CPNE8: variants seen among roughly 807,000 people sequenced by gnomAD.
CPNE8 encodes the protein copine 8, also known as copine-8.
In CPNE8, 45 loss-of-function variants were observed where a neutral mutation model predicts 81.5. That is an observed-to-expected ratio of 0.55 (90% confidence interval 0.44 to 0.71). The LOEUF (loss-of-function observed/expected upper bound fraction) is 0.71, where lower values mean the gene tolerates loss of function less well. Ranked by LOEUF, CPNE8 falls within the 30% of genes least tolerant of loss-of-function variation. The pLI is 0.00. For missense variants in CPNE8, 594 were observed against 672.1 expected, an observed-to-expected ratio of 0.88 and a Z score of 1.28; for synonymous variants, 252 against 226.3, an observed-to-expected ratio of 1.11 and a Z score of -1.02.
chr12:38,803,060 C>T (rs902989229), intron 6 of CPNE8, among the ~76,000 whole-genome samples: 1 of 57,466 alleles, frequency 1.7e-5, no homozygotes. Context: ...GGATTCACAG[C>T]CGAATTCTAC....
At chr12:38,768,970 A>G (rs1941746160) in intron 7 of CPNE8, among the ~76,000 whole-genome samples, 1 of 152,216 alleles carries the variant, frequency 6.6e-6, no homozygotes, top group Non-Finnish European at 1.5e-5. Context: ...TTTATCTTAC[A>G]GAGTCCAGCA....
At chr12:38,728,146 T>C (rs1940745299) in intron 11 of CPNE8, among the ~76,000 whole-genome samples, 1 of 152,094 alleles carries the variant, frequency 6.6e-6, no homozygotes, top group Non-Finnish European at 1.5e-5. Context: ...ATTTAAAGTT[T>C]CCAGCATTCA....
At position 38,860,522 on chromosome 12, in the gene CPNE8, T is replaced by A. The variant is rs117439036; in HGVS notation, c.187-11860A>T. ...ATGAAATTTCCAAAAATTAAAAATATTTATCATGTGGTCCAGCAATCCCAC... is the reference window on the plus strand; with the variant it reads ...ATGAAATTTCCAAAAATTAAAAATAATTATCATGTGGTCCAGCAATCCCAC... On this transcript the variant is annotated intron_variant, in intron 3 of 19. Coordinates refer to ENST00000331366, the MANE Select transcript of CPNE8 (RefSeq NM_153634.3). 3.2e-3 allele frequency among the ~76,000 whole-genome samples: 479 copies of A among 151,332 alleles called. 2 individuals are homozygous for A. The highest frequency in any genetic ancestry group is 5.2e-3 in the Non-Finnish European group (351 of 67,808).
At chr12:38,761,776 A>C (rs1280352870) in intron 9 of CPNE8, among the ~76,000 whole-genome samples, 1 of 152,224 alleles carries the variant, frequency 6.6e-6, no homozygotes, top group East Asian at 1.9e-4. Flanking sequence ...TTTGTGAATC[A>C]GCAACCATGA....
intron 7 of CPNE8, among the ~76,000 whole-genome samples, chr12:38,771,607 C>T (rs1344744591): frequency 1.3e-5 from 2 of 152,142 alleles, no homozygotes; most frequent in Admixed American, 6.5e-5. Context: ...AGGATTATTA[C>T]ACTACAAATA....
At chr12:38,894,658 A>T (rs1321234530) in intron 1 of CPNE8, among the ~76,000 whole-genome samples, 49 of 124,528 alleles carry the variant, frequency 3.9e-4, no homozygotes, top group South Asian at 2.0e-3. Flanking sequence ...ACTCCAGCTC[A>T]CTCTCTCTCT....
At chr12:38,681,215 A>T (rs1047022646) in intron 16 of CPNE8, among the ~76,000 whole-genome samples, 8 of 152,014 alleles carry the variant, frequency 5.3e-5, no homozygotes, top group Admixed American at 1.3e-4. Context: ...ATGAATAGAA[A>T]TTTTTTTTAA....
intron 5 of CPNE8, among the ~76,000 whole-genome samples, chr12:38,838,744 G>T (rs1334452858): frequency 1.3e-5 from 2 of 151,940 alleles, no homozygotes; most frequent in African/African-American, 4.8e-5. Flanking sequence ...GACTGTTCCT[G>T]AATACTTCTT....
intron 11 of CPNE8, among the ~76,000 whole-genome samples, chr12:38,727,262 T>G (rs529183115): frequency 6.6e-6 from 1 of 152,210 alleles, no homozygotes; most frequent in Non-Finnish European, 1.5e-5. Flanking sequence ...GCTCTGTATG[T>G]AGCAGCATTG....
intron 10 of CPNE8, among the ~76,000 whole-genome samples, chr12:38,751,940 C>G (rs1300968059): frequency 1.3e-5 from 2 of 152,138 alleles, no homozygotes; most frequent in African/African-American, 4.8e-5. Flanking sequence ...CTACGCTGCT[C>G]TCTTTACTGT....
At chr12:38,676,559 T>A (rs1939293701) in intron 17 of CPNE8, among the ~76,000 whole-genome samples, 1 of 151,212 alleles carries the variant, frequency 6.6e-6, no homozygotes, top group Admixed American at 6.6e-5. Context: ...TCACAGTAAA[T>A]GAGTGAATAC....
At chr12:38,688,598 GGTGTGTGT>G (rs56769844) in intron 15 of CPNE8, among the ~76,000 whole-genome samples, 1 of 148,546 alleles carries the variant, frequency 6.7e-6, no homozygotes, top group South Asian at 2.1e-4. Flanking sequence ...AAGAAAATGT[GGTGTGTGT>G]GTGTGTGTGT....
At chr12:38,859,201 CAA>C (rs1158842825) in intron 3 of CPNE8, among the ~76,000 whole-genome samples, 2 of 151,188 alleles carry the variant, frequency 1.3e-5, no homozygotes, top group Non-Finnish European at 3.0e-5. Flanking sequence ...AAAAAAATCC[CAA>C]AGACTCCACA....
At chr12:38,725,798 G>A (rs1940682632) in intron 11 of CPNE8, among the ~76,000 whole-genome samples, 1 of 150,656 alleles carries the variant, frequency 6.6e-6, no homozygotes, top group East Asian at 2.0e-4. Context: ...GCTGAGGCAT[G>A]TTAGGGAGAT....
chr12:38,660,865 C>A (rs530014837), intron 19 of CPNE8, among the ~76,000 whole-genome samples: 6 of 152,200 alleles, frequency 3.9e-5, no homozygotes, highest in African/African-American at 1.4e-4. Context: ...AAATGCTAAT[C>A]ATCACTGGTC....
intron 19 of CPNE8, among the ~76,000 whole-genome samples, chr12:38,659,781 C>G (rs1435344246): frequency 6.6e-6 from 1 of 152,002 alleles, no homozygotes; most frequent in Non-Finnish European, 1.5e-5. Context: ...ACTGAACAAT[C>G]TGCTCAATGT....
At chr12:38,760,061 A>G (rs139038953) in intron 10 of CPNE8, among the ~76,000 whole-genome samples, 58 of 152,298 alleles carry the variant, frequency 3.8e-4, no homozygotes, top group African/African-American at 1.3e-3. Context: ...TCAGTGAGCT[A>G]TGGATTTGAG....
chr12:38,877,166 T>C (rs553125645), intron 1 of CPNE8, among the ~76,000 whole-genome samples: 5 of 152,290 alleles, frequency 3.3e-5, no homozygotes, highest in African/African-American at 1.2e-4. Context: ...TCTATGAGTA[T>C]TGAAAATGTC....
intron 19 of CPNE8, among the ~76,000 whole-genome samples, chr12:38,661,430 G>A (rs1478424503): frequency 6.6e-6 from 1 of 152,044 alleles, no homozygotes; most frequent in East Asian, 1.9e-4. Flanking sequence ...GACACAGGGT[G>A]GGGAACATCA....
Sources: gnomAD v4.1 joint callset for allele counts (sites outside exome capture counted in the v4.1 genomes callset) on GRCh38, gnomAD v4.1.1 for gene constraint, MANE v1.5 for transcripts, NCBI Gene and HGNC (gene_info 2026-07-23, HGNC 2026-07-21) for gene names.